The following FBLN2 variants were observed in gnomAD, a reference collection of about 807,000 sequenced individuals.
FBLN2 encodes fibulin-2.
A neutral mutation model predicts 123.7 loss-of-function variants in FBLN2; 81 were observed. The observed-to-expected ratio is 0.65, with a 90% CI of 0.55 to 0.79. The LOEUF (loss-of-function observed/expected upper bound fraction) is 0.79, where lower values mean the gene tolerates loss of function less well. FBLN2 is among the 30% of genes least tolerant of loss of function. FBLN2 has a pLI of 0.00. For synonymous variants in FBLN2, 699 were observed against 701.4 expected (o/e 1.00, Z 0.05); for missense variants, 1,603 against 1,681.3 (o/e 0.95, Z 0.81).
intron 8 of FBLN2, 60 bp downstream of exon 8, chr3:13,619,891 C>A: frequency 1.4e-6 from 2 of 1,381,020 alleles, no homozygotes; most frequent in Non-Finnish European, 2.0e-6. Context: ...TGATGGGGGC[C>A]TCCAGGTGGG....
chr3:13,555,370 G>C (rs191647798), intron 1 of FBLN2, among the ~76,000 whole-genome samples: 71 of 152,058 alleles, frequency 4.7e-4, no homozygotes, highest in Non-Finnish European at 7.2e-4. Flanking sequence ...ACAGTGCTTA[G>C]CATCTTAGCC....
In FBLN2 at chr3:13,571,152, T is replaced by A; in HGVS notation, c.797T>A (p.Val266Glu). The change falls in exon 2 of 18, where the codon GTG becomes GAG. Residue 266 changes from valine to glutamate, a missense_variant. By Grantham distance (121) the Val-to-Glu change is moderately radical (BLOSUM62 -2). Transcript: ENST00000404922. ...AAAALGPPAP[V>E]QAKARRVTED... ...GCTGCCCTGGGTCCCCCAGCCCCAG[T>A]GCAGGCCAAAGCTAGGAGAGTGACC... is the stretch of plus-strand genomic sequence containing the variant. The A allele has an allele frequency of 6.4e-7, 1 of 1,556,966 alleles. No homozygotes were observed. The highest frequency in any genetic ancestry group is 8.7e-7 in the Non-Finnish European group (1 of 1,151,220).
chr3:13,557,164 G>A (rs969097369), intron 1 of FBLN2, among the ~76,000 whole-genome samples: 1 of 152,242 alleles, frequency 6.6e-6, no homozygotes, highest in Non-Finnish European at 1.5e-5. Flanking sequence ...AGCTGTGGCT[G>A]GGGAGGGTCA....
intron 1 of FBLN2, chr3:13,568,714 C>A: frequency 1.0e-6 from 1 of 961,362 alleles, no homozygotes; most frequent in Non-Finnish European, 1.2e-6. Context: ...TCCCCTGACA[C>A]TGCCACGTCC....
At chr3:13,602,350 C>T (rs1034171590) in intron 2 of FBLN2, among the ~76,000 whole-genome samples, 12 of 152,032 alleles carry the variant, frequency 7.9e-5, no homozygotes, top group African/African-American at 2.7e-4. Flanking sequence ...ATTCTGATAC[C>T]GTTAGAGAAA....
intron 2 of FBLN2, among the ~76,000 whole-genome samples, chr3:13,577,419 G>C (rs537196825): frequency 1.0e-3 from 152 of 152,226 alleles, no homozygotes; most frequent in African/African-American, 3.5e-3. Flanking sequence ...AGATAAGTGG[G>C]GGAGAGGGAG....
chr3:13,623,503 G>A (rs143426706), intron 9 of FBLN2, among the ~76,000 whole-genome samples: 183 of 152,132 alleles, frequency 1.2e-3, no homozygotes, highest in African/African-American at 4.1e-3. Flanking sequence ...CATGCCCCTC[G>A]CACACGTGTT....
At chr3:13,635,588 G>T (rs1201599505) in intron 16 of FBLN2, among the ~76,000 whole-genome samples, 1 of 152,210 alleles carries the variant, frequency 6.6e-6, no homozygotes, top group Non-Finnish European at 1.5e-5. Flanking sequence ...TGTTGGAGTT[G>T]CACATGTATG....
chr3:13,580,468 G>C (rs111634311), intron 2 of FBLN2, among the ~76,000 whole-genome samples: 3 of 152,180 alleles, frequency 2.0e-5, no homozygotes, highest in Non-Finnish European at 4.4e-5. Context: ...GCTGCCAGTC[G>C]TGGGGTGGGG....
intron 4 of FBLN2, among the ~76,000 whole-genome samples, chr3:13,612,246 CTTTTCTTTTCTT>C (rs1167410407): frequency 1.3e-5 from 2 of 151,562 alleles, no homozygotes; most frequent in South Asian, 2.1e-4. Context: ...GACTAGTTCT[CTTTTCTTTTCTT>C]TTTTCTTTTA....
rs184070024 is a variant in FBLN2, at chr3:13,621,006, T to C, written c.2156-769T>C. Among the ~76,000 whole-genome samples the C allele has an allele frequency of 9.1e-4, 139 of 152,346 alleles. 1 individual carries two copies. Among genetic ancestry groups the C allele is most frequent in the African/African-American group, 3.1e-3 (127 of 41,588 alleles). On this transcript the variant is annotated intron_variant, in intron 8 of 17. Coordinates refer to ENST00000404922, the MANE Select transcript of FBLN2 (RefSeq NM_001004019.2). Reference sequence around the variant, plus strand: ...CCCCGCCCCCCATCTCCCAGGGCCCTGAAGATGTAAGAGCTGCATCTTTTC... The same window carrying C: ...CCCCGCCCCCCATCTCCCAGGGCCCCGAAGATGTAAGAGCTGCATCTTTTC...
At chr3:13,552,778 C>G (rs894502709) in intron 1 of FBLN2, among the ~76,000 whole-genome samples, 1 of 152,060 alleles carries the variant, frequency 6.6e-6, no homozygotes, top group African/African-American at 2.4e-5. Context: ...TTTAGCAGCT[C>G]TATGAAACCC....
chr3:13,601,748 A>G (rs572200443), intron 2 of FBLN2, among the ~76,000 whole-genome samples: 30 of 152,360 alleles, frequency 2.0e-4, no homozygotes, highest in African/African-American at 6.7e-4. Context: ...CAGAGGACTG[A>G]GAAAGTAAAC....
At chr3:13,570,190 T>G (rs1271243024) in intron 1 of FBLN2, 125 bp from the exon 2 acceptor site, 6 of 1,021,494 alleles carry the variant, frequency 5.9e-6, no homozygotes, top group African/African-American at 4.9e-5. Flanking sequence ...CTTAGTGTGC[T>G]CCTGGGGATG....
chr3:13,633,368 C>T (rs1706327797), intron 16 of FBLN2, among the ~76,000 whole-genome samples: 1 of 152,280 alleles, frequency 6.6e-6, no homozygotes, highest in Admixed American at 6.5e-5. Flanking sequence ...CCCAGTGTGC[C>T]ACCAGCCCCA....
chr3:13,565,943 T>C (rs541598126), intron 1 of FBLN2, among the ~76,000 whole-genome samples: 1 of 152,360 alleles, frequency 6.6e-6, no homozygotes, highest in Non-Finnish European at 1.5e-5. Context: ...AGAATGATAA[T>C]AATACCACTA....
intron 2 of FBLN2, among the ~76,000 whole-genome samples, chr3:13,596,958 G>A (rs544790226): frequency 6.6e-6 from 1 of 150,614 alleles, no homozygotes; most frequent in African/African-American, 2.5e-5. Context: ...TTTAGATAAG[G>A]TCTTGCTCTG....
At position 13,623,064 on chromosome 3, in the gene FBLN2, C is replaced by T. The variant is rs111616958; in HGVS notation, c.2296+1149C>T. Among the ~76,000 whole-genome samples the T allele has an allele frequency of 8.7e-4, 132 of 152,372 alleles. 1 individual carries two copies. The highest frequency in any genetic ancestry group is 2.9e-3 in the African/African-American group (122 of 41,592). ...GCCTGGACATATCCCCTTCCTTCCT[C>T]GCCTTTCACCACTGGGCACACGGGC... On this transcript the variant is annotated intron_variant, in intron 9 of 17. Transcript: ENST00000404922.
chr3:13,636,584 C>T lies in FBLN2; in HGVS notation c.3338+16C>T, dbSNP rs1276826418. ...TCTCCAAAACGTGAGTGTCCCCACC[C>T]CAGTCCCAGTCCCAGGGAGCCTGTC... On this transcript the variant is annotated intron_variant, in intron 17 of 17. Coordinates refer to ENST00000404922, the MANE Select transcript of FBLN2 (RefSeq NM_001004019.2). The T allele has an allele frequency of 5.0e-6, 8 of 1,610,702 alleles. No individual in the cohort carries two copies. Among genetic ancestry groups the T allele is most frequent in the South Asian group, 2.2e-5 (2 of 90,174 alleles).
Sources: gnomAD v4.1 joint callset for allele counts (sites outside exome capture counted in the v4.1 genomes callset) on GRCh38, gnomAD v4.1.1 for gene constraint, MANE v1.5 for transcripts, NCBI Gene and HGNC (gene_info 2026-07-23, HGNC 2026-07-21) for gene names.